Variants in MGAT5 observed in about 807,000 individuals in gnomAD.
The protein encoded by MGAT5 is alpha-1,6-mannosylglycoprotein 6-beta-N-acetylglucosaminyltransferase A.
MGAT5 carries 30 observed loss-of-function variants against 94.3 expected under a neutral mutation model. The ratio of observed to expected loss-of-function variants is 0.32; its 90% CI spans 0.24 to 0.43. The LOEUF (loss-of-function observed/expected upper bound fraction) is 0.43, where lower values mean the gene tolerates loss of function less well. Ranked by LOEUF, MGAT5 falls within the 20% of genes least tolerant of loss-of-function variation. The pLI, the probability that MGAT5 is intolerant of heterozygous loss-of-function variation, is 1.00. For synonymous variants in MGAT5, 310 were observed against 322.9 expected (o/e 0.96, Z 0.43); for missense variants, 691 against 905.5 (o/e 0.76, Z 3.04).
intron 10 of MGAT5, among the ~76,000 whole-genome samples, chr2:134,382,681 G>T (rs1681709352): frequency 6.6e-6 from 1 of 152,188 alleles, no homozygotes; most frequent in African/African-American, 2.4e-5. Context: ...GAGTAGACCA[G>T]AAGATCTCTT....
chr2:134,278,885 C>G (rs1239012380), intron 2 of MGAT5, among the ~76,000 whole-genome samples: 1 of 152,186 alleles, frequency 6.6e-6, no homozygotes, highest in Non-Finnish European at 1.5e-5. Flanking sequence ...AGCTCTGTCT[C>G]CCTAAGACTT....
intron 1 of MGAT5, among the ~76,000 whole-genome samples, chr2:134,186,554 T>G (rs1344696144): frequency 1.3e-5 from 2 of 152,152 alleles, no homozygotes; most frequent in Non-Finnish European, 2.9e-5. Context: ...CATGTCTTCC[T>G]AGGGTCAGAA....
At chr2:134,154,252 C>T (rs1335596546) in intron 1 of MGAT5, among the ~76,000 whole-genome samples, 1 of 152,188 alleles carries the variant, frequency 6.6e-6, no homozygotes, top group African/African-American at 2.4e-5. Context: ...TGGCCCTCTC[C>T]ACCTATCTCA....
intron 10 of MGAT5, among the ~76,000 whole-genome samples, chr2:134,363,883 G>T (rs1373915971): frequency 2.0e-5 from 3 of 152,174 alleles, no homozygotes; most frequent in African/African-American, 7.2e-5. Flanking sequence ...GCCAAAGTTG[G>T]GTTAAAACAG....
intron 4 of MGAT5, among the ~76,000 whole-genome samples, chr2:134,335,998 G>A (rs2105978913): frequency 6.6e-6 from 1 of 152,270 alleles, no homozygotes; most frequent in Non-Finnish European, 1.5e-5. Flanking sequence ...CAGATGTAAA[G>A]TATAATCTCT....
At chr2:134,130,028 C>A (rs780740369) in intron 1 of MGAT5, among the ~76,000 whole-genome samples, 2 of 152,314 alleles carry the variant, frequency 1.3e-5, no homozygotes, top group East Asian at 3.9e-4. Flanking sequence ...GCCCCGCACT[C>A]GGAGCGGCCG....
chr2:134,135,823 C>G (rs144287021), intron 1 of MGAT5, among the ~76,000 whole-genome samples: 2 of 152,144 alleles, frequency 1.3e-5, no homozygotes, highest in Non-Finnish European at 2.9e-5. Flanking sequence ...TGTACAACCT[C>G]CACCCTCCCA....
At chr2:134,140,095 A>G (rs1352671361) in intron 1 of MGAT5, among the ~76,000 whole-genome samples, 1 of 152,224 alleles carries the variant, frequency 6.6e-6, no homozygotes. Context: ...TTGGGGGCTC[A>G]CGGCCTGCAC....
At position 134,195,636 on chromosome 2, in the gene MGAT5, C is replaced by T. The variant is rs182597954; in HGVS notation, c.-142-58626C>T. On this transcript the variant is annotated intron_variant, in intron 1 of 16. Transcript: ENST00000409645. ...TGGATGAGTGTCCTTTGGCCTTACT[C>T]ATTTTTTAATTCCTAGTACCTACTG... 1.7e-4 allele frequency among the ~76,000 whole-genome samples: 26 copies of T among 152,288 alleles called. 1 individual carries two copies. The highest frequency in any genetic ancestry group is 6.0e-4 in the African/African-American group (25 of 41,564).
At chr2:134,378,210 C>A (rs1681308277) in intron 10 of MGAT5, among the ~76,000 whole-genome samples, 1 of 152,116 alleles carries the variant, frequency 6.6e-6, no homozygotes, top group Non-Finnish European at 1.5e-5. Context: ...ATCTGGTTCC[C>A]GGGAAACTTC....
At chr2:134,140,895 A>G (rs1417752950) in intron 1 of MGAT5, among the ~76,000 whole-genome samples, 5 of 152,246 alleles carry the variant, frequency 3.3e-5, no homozygotes, top group Admixed American at 3.3e-4. Flanking sequence ...ATTTCAACCT[A>G]GGGAACCTAG....
intron 14 of MGAT5, among the ~76,000 whole-genome samples, chr2:134,433,992 G>C (rs1387242950): frequency 2.0e-5 from 3 of 152,192 alleles, no homozygotes; most frequent in Non-Finnish European, 4.4e-5. Flanking sequence ...CTCTGTGAAA[G>C]AGTTGGCTGC....
At chr2:134,441,338 AGAG>A (rs1685476327) in intron 14 of MGAT5, among the ~76,000 whole-genome samples, 1 of 152,100 alleles carries the variant, frequency 6.6e-6, no homozygotes, top group African/African-American at 2.4e-5. Flanking sequence ...CTTTGGAATC[AGAG>A]AAGAGAACAG....
chr2:134,333,350 C>T (rs1484246114), intron 4 of MGAT5, among the ~76,000 whole-genome samples: 11 of 146,200 alleles, frequency 7.5e-5, no homozygotes, highest in Admixed American at 2.8e-4. Context: ...AACCAAACAC[C>T]GCATGTTCTC....
intron 1 of MGAT5, among the ~76,000 whole-genome samples, chr2:134,247,090 A>C (rs1195240202): frequency 6.6e-6 from 1 of 152,142 alleles, no homozygotes; most frequent in African/African-American, 2.4e-5. Context: ...TCCAATTATG[A>C]ATGGGAGTGG....
At chr2:134,334,061 A>G (rs924648280) in intron 4 of MGAT5, among the ~76,000 whole-genome samples, 6 of 152,172 alleles carry the variant, frequency 3.9e-5, no homozygotes, top group African/African-American at 1.2e-4. Context: ...GAGTGCATGT[A>G]TAACAGCAAA....
intron 1 of MGAT5, among the ~76,000 whole-genome samples, chr2:134,218,523 G>T (rs529055980): frequency 6.6e-6 from 1 of 152,296 alleles, no homozygotes; most frequent in African/African-American, 2.4e-5. Flanking sequence ...GTATTTGAGG[G>T]GTAGGCTGGC....
chr2:134,378,008 T>A (rs1373459223), intron 10 of MGAT5, among the ~76,000 whole-genome samples: 1 of 152,198 alleles, frequency 6.6e-6, no homozygotes, highest in Non-Finnish European at 1.5e-5. Context: ...AAACACGTTG[T>A]TTCCTGGCCT....
chr2:134,309,463 G>A (rs2105862499), intron 2 of MGAT5, among the ~76,000 whole-genome samples: 2 of 152,176 alleles, frequency 1.3e-5, no homozygotes, highest in African/African-American at 4.8e-5. Flanking sequence ...TTACATCCTT[G>A]GCAACACTTG....
Sources: gnomAD v4.1 joint callset for allele counts (sites outside exome capture counted in the v4.1 genomes callset) on GRCh38, gnomAD v4.1.1 for gene constraint, MANE v1.5 for transcripts, NCBI Gene and HGNC (gene_info 2026-07-23, HGNC 2026-07-21) for gene names.